The following LRRC41 variants were observed in gnomAD, a reference collection of about 807,000 sequenced individuals.
LRRC41 encodes the protein leucine-rich repeat-containing protein 41.
LRRC41 carries 17 observed loss-of-function variants against 72.1 expected under a neutral mutation model. That is an observed-to-expected ratio of 0.24 (90% confidence interval 0.16 to 0.35). LRRC41 has a LOEUF of 0.35. LRRC41 is among the 10% of genes least tolerant of loss of function. The probability of loss-of-function intolerance (pLI) is 1.00; values close to 1 mark genes in which losing one functional copy is unlikely to be tolerated. For synonymous variants in LRRC41, 427 were observed against 431.0 expected (o/e 0.99, Z 0.11); for missense variants, 759 against 1,065.0 (o/e 0.71, Z 4.00).
At chr1:46,298,236 T>G (rs368877065) in intron 2 of LRRC41, 48 bp downstream of exon 2, 1 of 1,309,488 alleles carries the variant, frequency 7.6e-7, no homozygotes, top group Non-Finnish European at 1.1e-6. Context: ...AACATTATGG[T>G]GCCTTGCTCA....
chr1:46,290,612 T>C (rs1660987511), intron 3 of LRRC41, among the ~76,000 whole-genome samples: 1 of 151,738 alleles, frequency 6.6e-6, no homozygotes, highest in South Asian at 2.1e-4. Context: ...CCATTGTTTC[T>C]AGCTTTTTTT....
In LRRC41 at chr1:46,281,365, G is replaced by A. The variant is rs374679833; in HGVS notation, c.1516C>T (p.Arg506Cys). Residue 506 changes from arginine to cysteine, a missense_variant, in exon 5 of 10, where the codon CGC becomes TGC. Arg to Cys is a radical substitution (Grantham distance 180). Transcript: ENST00000617190. ...AGGGCCCGCAGGCTGTCTAGCAGGC[G>A]GAAGATGTTAGAGCCCAGGCCTATG... ...SYNGLGSNIF[R>C]LLDSLRALSG... is the part of the protein sequence containing the mutation. 122 of 1,614,054 alleles carry A rather than the reference G, an allele frequency of 7.6e-5. No individual in the cohort carries two copies. Among genetic ancestry groups the A allele is most frequent in the Non-Finnish European group, 9.3e-5 (110 of 1,180,022 alleles).
intron 3 of LRRC41, among the ~76,000 whole-genome samples, chr1:46,293,184 A>G (rs1422925636): frequency 2.1e-5 from 3 of 144,116 alleles, no homozygotes; most frequent in African/African-American, 5.4e-5. Flanking sequence ...TTTCGTCTCA[A>G]AAAAAAAAAA....
chr1:46,289,893 AGG>A (rs931680010), intron 3 of LRRC41, among the ~76,000 whole-genome samples: 3 of 152,202 alleles, frequency 2.0e-5, no homozygotes, highest in Non-Finnish European at 2.9e-5. Flanking sequence ...TGTGAGGGTA[AGG>A]GAAATGAGGC....
rs373030460 is a variant in LRRC41, at chr1:46,285,886, C to T, written c.971G>A (p.Arg324His). The T allele has an allele frequency of 1.1e-4, 170 of 1,557,302 alleles. No individual in the cohort carries two copies. The highest frequency in any genetic ancestry group is 1.7e-4 in the Middle Eastern group (1 of 5,756). Residue 324 changes from arginine (R) to histidine (H), a missense_variant, in exon 4 of 10, where the codon CGC (arginine) becomes CAC (histidine). By Grantham distance (29) the Arg-to-His change is conservative. Around this residue, in one of 4 missense-constraint regions of LRRC41, gnomAD observed 427 missense variants for 520.9 expected, o/e 0.82. Transcript: ENST00000617190. This position sits in a 1 kb window ranked among gnomAD's most constrained non-coding sequence, Gnocchi z 5.3. ...TGTCAGGCTCTCCTGTGTGCTCCGG[C>T]GTGTTACCCGAGTGGCAGGTGCAGC... ...PRAAPATRVTRRSTQESLTAG... is the reference protein window; with the variant it reads ...PRAAPATRVTHRSTQESLTAG...
At position 46,302,713 on chromosome 1, in the gene LRRC41, C is replaced by T. The variant is rs1023983489; in HGVS notation, c.199+411G>A. ...TGGCCTGGCCTTGCCTTAGGCCGGG[C>T]CTCCTAACCTCGGCCCCTGCCCTAG... On this transcript the variant is annotated intron_variant, in intron 1 of 9. Transcript: ENST00000617190. This position sits in a 1 kb window ranked among gnomAD's most constrained non-coding sequence, Gnocchi z 4.7. 1.0e-6 allele frequency: 1 copy of T among 985,246 alleles called. No homozygotes were observed. The highest frequency in any genetic ancestry group is 1.7e-5 in the African/African-American group (1 of 57,342). 61.0% of individuals were successfully genotyped at this position (985,246 alleles called of 1,614,324 possible). A position where few individuals can be genotyped will look rare whatever the true frequency, so the allele number is the denominator to read the frequency against.
In LRRC41 at chr1:46,277,797, C is replaced by A; in HGVS notation, c.*1068G>T. The A allele has an allele frequency of 4.4e-6, 7 of 1,592,356 alleles. No individual in the cohort carries two copies. The highest frequency in any genetic ancestry group is 6.0e-6 in the Non-Finnish European group (7 of 1,160,950). ...GCTAAGCGCTGTATCTTTTGACATT[C>A]CCCACCTCCTCTTCCCCAGGCAGGG... On this transcript the variant is annotated 3_prime_UTR_variant, in exon 10 of 10. Transcript: ENST00000617190.
chr1:46,290,292 C>A (rs1660980432), intron 3 of LRRC41, among the ~76,000 whole-genome samples: 1 of 152,086 alleles, frequency 6.6e-6, no homozygotes, highest in Admixed American at 6.6e-5. Flanking sequence ...TGCCTGTAAT[C>A]CAGCTACTTG....
Position 46,279,396 on chromosome 1 carries a change from C to T in LRRC41, c.2143+96G>A, listed in dbSNP as rs764494613. Reference sequence around the variant, plus strand: ...AGAAATATCTGTATTCCAACTCCCACGTTCCCAGTGGAGAGGTCTTTGCCT... The same window carrying T: ...AGAAATATCTGTATTCCAACTCCCATGTTCCCAGTGGAGAGGTCTTTGCCT... On this transcript the variant is annotated intron_variant, in intron 8 of 9. Coordinates refer to ENST00000617190, the MANE Select transcript of LRRC41 (RefSeq NM_006369.5). The surrounding 1 kb of genome is among the most constrained non-coding windows in gnomAD (Gnocchi z 4.5). 32 of 1,594,876 alleles carry T rather than the reference C, an allele frequency of 2.0e-5. No homozygotes were observed. Among genetic ancestry groups the T allele is most frequent in the South Asian group, 1.4e-4 (13 of 90,390 alleles).
At chr1:46,280,989 AG>A (rs1330351348) in intron 5 of LRRC41, 135 bp downstream of exon 5, 2 of 1,234,380 alleles carry the variant, frequency 1.6e-6, no homozygotes, top group Non-Finnish European at 2.3e-6. Flanking sequence ...TAGGCTCTAA[AG>A]GGGGGATAGG....
intron 3 of LRRC41, among the ~76,000 whole-genome samples, chr1:46,296,510 G>C (rs1463272674): frequency 1.3e-5 from 2 of 152,152 alleles, no homozygotes; most frequent in Non-Finnish European, 2.9e-5. Context: ...TGTAAGATCT[G>C]GTACCTGGTT....
At chr1:46,283,008 C>G (rs1312106848) in intron 4 of LRRC41, among the ~76,000 whole-genome samples, 1 of 136,174 alleles carries the variant, frequency 7.3e-6, no homozygotes, top group Non-Finnish European at 1.5e-5. Flanking sequence ...TGGGTGACAA[C>G]AGAGACTCCC....
chr1:46,292,284 G>A (rs1661036032), intron 3 of LRRC41, among the ~76,000 whole-genome samples: 1 of 151,756 alleles, frequency 6.6e-6, no homozygotes, highest in Non-Finnish European at 1.5e-5. Context: ...TTATTGTAGA[G>A]ATGGGGTTTC....
Position 46,278,849 on chromosome 1 carries a change from T to C in LRRC41, c.*16A>G, listed in dbSNP as rs1660703616. On this transcript the variant is annotated 3_prime_UTR_variant, in exon 10 of 10. Coordinates refer to ENST00000617190, the MANE Select transcript of LRRC41 (RefSeq NM_006369.5). ...GCTGATGGTACCGAGCATGAGACTG[T>C]GAGGTACGGGCCCCATCACATGGTG... 1 of 1,603,720 alleles carries C rather than the reference T, an allele frequency of 6.2e-7. No homozygotes were observed. Among genetic ancestry groups the C allele is most frequent in the Non-Finnish European group, 8.5e-7 (1 of 1,176,758 alleles).
rs747452312 is a variant in LRRC41 at position 46,278,180 on chromosome 1, G to C, written c.*685C>G. 3.1e-6 allele frequency: 5 copies of C among 1,613,732 alleles called. No individual in the cohort carries two copies. The South Asian group carries it at 4.4e-5, about 14-fold the overall frequency. On this transcript the variant is annotated 3_prime_UTR_variant, in exon 10 of 10. Coordinates refer to ENST00000617190, the MANE Select transcript of LRRC41 (RefSeq NM_006369.5). ...GGAACCACTGCACTGATAAGTGGGG[G>C]CTCCGGGATGAGGTACTCCAGGCTG...
At position 46,277,787 on chromosome 1, in the gene LRRC41, T is replaced by G. The variant is rs1157709039; in HGVS notation, c.*1078A>C. ...TATGAGGATGGCTAAGCGCTGTATC[T>G]TTTGACATTCCCCACCTCCTCTTCC... On this transcript the variant is annotated 3_prime_UTR_variant, in exon 10 of 10. Coordinates refer to ENST00000617190, the MANE Select transcript of LRRC41 (RefSeq NM_006369.5). 6.3e-7 allele frequency: 1 copy of G among 1,580,302 alleles called. No individual in the cohort carries two copies. Among genetic ancestry groups the G allele is most frequent in the African/African-American group, 1.3e-5 (1 of 74,298 alleles).
intron 3 of LRRC41, among the ~76,000 whole-genome samples, chr1:46,287,953 T>C (rs1187369659): frequency 1.3e-5 from 2 of 152,248 alleles, no homozygotes; most frequent in East Asian, 1.9e-4. Context: ...CACTTGATCT[T>C]AGCCAAAAGG....
At position 46,281,417 on chromosome 1, in the gene LRRC41, T is replaced by C. The variant is rs61784600; in HGVS notation, c.1496-32A>G. 5,740 of 1,607,700 alleles carry C rather than the reference T, an allele frequency of 3.6e-3. 12 individuals are homozygous for C. The highest frequency in any genetic ancestry group is 4.1e-3 in the Non-Finnish European group (4,838 of 1,175,258). On this transcript the variant is annotated intron_variant, in intron 4 of 9. Coordinates refer to ENST00000617190, the MANE Select transcript of LRRC41 (RefSeq NM_006369.5). ...CAAGAAAGAGATTAAGTCAGAACCA[T>C]GTGGGAGTGTCAGCAGGGGTAATAT...
chr1:46,278,805 C>A lies in LRRC41; in HGVS notation c.*60G>T, dbSNP rs1557711266. 1 of 1,500,300 alleles carries A rather than the reference C, an allele frequency of 6.7e-7. No homozygotes were observed. Among genetic ancestry groups the A allele is most frequent in the Non-Finnish European group, 9.2e-7 (1 of 1,090,326 alleles). The allele number at this position is 1,500,300 out of a possible 1,614,324, so 92.9% of individuals were successfully genotyped here. ...CTGGTGGTTGGGGTTCTGGGCAGCC[C>A]ATGCTTCAGCCCCTGCAAGCTGATG... On this transcript the variant is annotated 3_prime_UTR_variant, in exon 10 of 10. Transcript: ENST00000617190.
Sources: allele counts gnomAD v4.1 joint callset (sites outside exome capture counted in the v4.1 genomes callset), GRCh38; gene constraint gnomAD v4.1.1; regional missense constraint gnomAD v4.1.1; non-coding constraint Gnocchi (gnomAD v3.1); transcripts MANE v1.5; gene names NCBI Gene and HGNC (gene_info 2026-07-23, HGNC 2026-07-21).